ADAM12: variants seen among roughly 807,000 people sequenced by gnomAD.
ADAM12 encodes disintegrin and metalloproteinase domain-containing protein 12.
Under a neutral mutation model 106.4 loss-of-function variants are expected in ADAM12, and 70 were observed. That is an observed-to-expected ratio of 0.66 (90% CI 0.54 to 0.80). The LOEUF is 0.80. ADAM12 is among the 30% of genes least tolerant of loss of function. The pLI is 0.00. For missense variants in ADAM12, 1,010 were observed against 1,171.9 expected (o/e 0.86, Z 2.02); for synonymous variants, 420 against 433.5 (o/e 0.97, Z 0.39).
At chr10:126,257,345 A>C (rs1958912997) in intron 3 of ADAM12, among the ~76,000 whole-genome samples, 1 of 152,220 alleles carries the variant, frequency 6.6e-6, no homozygotes, top group Admixed American at 6.5e-5. Context: ...TTCTGCGATC[A>C]AAATGTTCCA....
intron 21 of ADAM12, among the ~76,000 whole-genome samples, chr10:126,020,266 G>A (rs1360772707): frequency 6.6e-6 from 1 of 152,220 alleles, no homozygotes; most frequent in African/African-American, 2.4e-5. Flanking sequence ...ATGAGACGGT[G>A]AGGATGGTTG....
chr10:126,306,958 GTC>G (rs1431455150), intron 2 of ADAM12, among the ~76,000 whole-genome samples: 1 of 152,094 alleles, frequency 6.6e-6, no homozygotes, highest in Non-Finnish European at 1.5e-5. Context: ...TTCTTTCCCA[GTC>G]TCTCTCACTC....
intron 8 of ADAM12, among the ~76,000 whole-genome samples, chr10:126,107,195 C>T (rs2133594519): frequency 6.6e-6 from 1 of 152,306 alleles, no homozygotes; most frequent in Middle Eastern, 3.4e-3. Flanking sequence ...TTCTGCTATG[C>T]TCACAGTGAA....
At chr10:126,324,869 A>C (rs907555428) in intron 2 of ADAM12, among the ~76,000 whole-genome samples, 1 of 151,912 alleles carries the variant, frequency 6.6e-6, no homozygotes, top group Admixed American at 6.6e-5. Flanking sequence ...TGTGGATTTT[A>C]AGTCAATGCA....
At chr10:126,137,563 C>A (rs1956428690) in intron 4 of ADAM12, among the ~76,000 whole-genome samples, 1 of 152,348 alleles carries the variant, frequency 6.6e-6, no homozygotes, top group East Asian at 1.9e-4. Context: ...TCCTCCATCT[C>A]TGGCAACCAT....
chr10:126,283,105 C>T (rs1959667398), intron 2 of ADAM12, among the ~76,000 whole-genome samples: 1 of 151,962 alleles, frequency 6.6e-6, no homozygotes, highest in Non-Finnish European at 1.5e-5. Context: ...ACCTAGATCC[C>T]TCACGTGCAC....
At chr10:126,281,575 G>C (rs1374809862) in intron 2 of ADAM12, among the ~76,000 whole-genome samples, 1 of 152,184 alleles carries the variant, frequency 6.6e-6, no homozygotes, top group Non-Finnish European at 1.5e-5. Context: ...GACTAGTAAA[G>C]GAGAAACCAA....
At chr10:126,321,742 G>A (rs1173763339) in intron 2 of ADAM12, among the ~76,000 whole-genome samples, 1 of 152,192 alleles carries the variant, frequency 6.6e-6, no homozygotes, top group South Asian at 2.1e-4. Flanking sequence ...TCAGCTGTCT[G>A]GAGTCAAGAT....
intron 3 of ADAM12, among the ~76,000 whole-genome samples, chr10:126,262,330 A>AG (rs1379397229): frequency 5.9e-5 from 9 of 151,932 alleles, no homozygotes; most frequent in African/African-American, 2.2e-4. Flanking sequence ...CAATGATTAT[A>AG]GGAAAAAAAG....
intron 4 of ADAM12, among the ~76,000 whole-genome samples, chr10:126,137,447 T>C (rs1242757830): frequency 6.6e-6 from 1 of 152,268 alleles, no homozygotes; most frequent in Non-Finnish European, 1.5e-5. Flanking sequence ...GGTTTTGTTG[T>C]ATATTCACAA....
intron 3 of ADAM12, among the ~76,000 whole-genome samples, chr10:126,160,181 G>A (rs2133738702): frequency 6.6e-6 from 1 of 152,288 alleles, no homozygotes; most frequent in South Asian, 2.1e-4. Context: ...TTCATGCTCA[G>A]CATACAACAG....
intron 3 of ADAM12, among the ~76,000 whole-genome samples, chr10:126,235,263 T>C (rs2133635483): frequency 6.6e-6 from 1 of 152,318 alleles, no homozygotes; most frequent in Admixed American, 6.5e-5. Context: ...GACCACGGCC[T>C]TGAGGGAGAG....
At chr10:126,103,434 T>C (rs754707994) in intron 8 of ADAM12, among the ~76,000 whole-genome samples, 70 of 152,376 alleles carry the variant, frequency 4.6e-4, no homozygotes, top group Non-Finnish European at 8.2e-4. Flanking sequence ...ACAGGCATGA[T>C]GCCACGGTGG....
chr10:126,204,852 C>A (rs1957767415), intron 3 of ADAM12, among the ~76,000 whole-genome samples: 1 of 152,166 alleles, frequency 6.6e-6, no homozygotes, highest in Non-Finnish European at 1.5e-5. Context: ...GCCTCACAGT[C>A]TTTGTCACAA....
intron 11 of ADAM12, among the ~76,000 whole-genome samples, chr10:126,087,303 G>T (rs2133547400): frequency 6.6e-6 from 1 of 152,270 alleles, no homozygotes; most frequent in East Asian, 1.9e-4. Context: ...AACAAGAACA[G>T]GCTGCATATT....
intron 3 of ADAM12, among the ~76,000 whole-genome samples, chr10:126,228,638 T>A (rs1958246881): frequency 6.6e-6 from 1 of 152,220 alleles, no homozygotes; most frequent in Admixed American, 6.5e-5. Flanking sequence ...GACAATTTCC[T>A]ACTAAATGAA....
At chr10:126,351,428 A>C (rs1855354405) in intron 1 of ADAM12, among the ~76,000 whole-genome samples, 1 of 152,066 alleles carries the variant, frequency 6.6e-6, no homozygotes, top group African/African-American at 2.4e-5. Context: ...GAAGCCTCCT[A>C]CAAGAAATGG....
chr10:126,158,360 CACAGAGCATGGGAAGATGCACAGAGCAT>C (rs1376157807), intron 3 of ADAM12, among the ~76,000 whole-genome samples: 340 of 28,246 alleles, frequency 0.012, no homozygotes, highest in South Asian at 0.023. Flanking sequence ...ATGAGGGATG[CACAGAGCATGGGAAGATGCACAGAGCAT>C]GGGGAGAGGA....
At position 126,327,402 on chromosome 10, in the gene ADAM12, G is replaced by A. The variant is rs973202532; in HGVS notation, c.186+3010C>T. On this transcript the variant is annotated intron_variant, in intron 2 of 22. Coordinates refer to ENST00000448723, the MANE Select transcript of ADAM12 (RefSeq NM_001288973.2). Reference sequence around the variant, plus strand: ...ATGGCATTCCCAGCCAGAAATTGCTGGCCAAACTTCCAGATCTGGCTTACT... The same window carrying A: ...ATGGCATTCCCAGCCAGAAATTGCTAGCCAAACTTCCAGATCTGGCTTACT... Among the ~76,000 whole-genome samples the A allele has an allele frequency of 7.9e-5, 12 of 152,130 alleles. No homozygotes were observed. The East Asian group carries it at 2.3e-3, about 29-fold the overall frequency.
Sources: allele counts gnomAD v4.1 joint callset (sites outside exome capture counted in the v4.1 genomes callset), GRCh38; gene constraint gnomAD v4.1.1; transcripts MANE v1.5; gene names NCBI Gene and HGNC (gene_info 2026-07-23, HGNC 2026-07-21).